ZBTB8OS: variants seen among roughly 807,000 people sequenced by gnomAD.
ZBTB8OS encodes the protein tRNA-splicing ligase-activating factor archease.
A neutral mutation model predicts 29.3 loss-of-function variants in ZBTB8OS; 16 were observed. The ratio of observed to expected loss-of-function variants is 0.55; its 90% CI spans 0.37 to 0.83. The LOEUF is 0.83. ZBTB8OS is among the 40% of genes least tolerant of loss of function. The pLI, the probability that ZBTB8OS is intolerant of heterozygous loss-of-function variation, is 0.00. For synonymous variants in ZBTB8OS, 70 were observed against 64.6 expected (o/e 1.08, Z -0.40); for missense variants, 160 against 196.9 (o/e 0.81, Z 1.12).
intron 1 of ZBTB8OS, among the ~76,000 whole-genome samples, chr1:32,648,392 C>T (rs764711998): frequency 5.3e-5 from 8 of 152,208 alleles, no homozygotes; most frequent in Non-Finnish European, 1.0e-4. Context: ...TACAGATTCA[C>T]TTGCACATGT....
intron 4 of ZBTB8OS, 66 bp downstream of exon 4, chr1:32,633,579 C>G (rs1176770705): frequency 3.4e-6 from 4 of 1,159,838 alleles, no homozygotes; most frequent in Non-Finnish European, 5.0e-6. Context: ...TTTAAATCAT[C>G]TGTTCTATTT....
Position 32,625,933 on chromosome 1 carries a change from C to T in ZBTB8OS, c.417+1575G>A, listed in dbSNP as rs1031624173. The stretch of plus-strand genomic sequence containing the variant: ...TCGCCCAGGCTGGAGTGTGCAATGG[C>T]GTGATCTCCGCTCACTGCAACCTCT... On this transcript the variant is annotated intron_variant, in intron 6 of 6. Coordinates refer to ENST00000468695, the MANE Select transcript of ZBTB8OS (RefSeq NM_178547.5). 6.0e-5 allele frequency among the ~76,000 whole-genome samples: 9 copies of T among 150,948 alleles called. No individual in the cohort carries two copies. The South Asian group carries it at 1.5e-3, about 24-fold the overall frequency.
chr1:32,645,409 G>A (rs1365214548), intron 1 of ZBTB8OS, among the ~76,000 whole-genome samples: 2 of 152,114 alleles, frequency 1.3e-5, no homozygotes, highest in Non-Finnish European at 2.9e-5. Context: ...GGCTGAGGTG[G>A]GAGAACAGCT....
rs540927819 is a variant in ZBTB8OS at position 32,621,809 on chromosome 1, G to T, written c.*53C>A. 2.4e-6 allele frequency: 3 copies of T among 1,244,432 alleles called. No homozygotes were observed. The highest frequency in any genetic ancestry group is 4.7e-5 in the East Asian group (2 of 42,336). The allele number at this position is 1,244,432 out of a possible 1,614,324, so 77.1% of individuals were successfully genotyped here. On this transcript the variant is annotated 3_prime_UTR_variant, in exon 7 of 7. Coordinates refer to ENST00000468695, the MANE Select transcript of ZBTB8OS (RefSeq NM_178547.5). ...TTTAATTCATAGTGTCTTCTCAAAA[G>T]GAAGAGGAAAACAAAAACAGTTCTT...
chr1:32,622,690 C>T (rs1010957194), intron 6 of ZBTB8OS, among the ~76,000 whole-genome samples: 1 of 150,104 alleles, frequency 6.7e-6, no homozygotes, highest in Non-Finnish European at 1.5e-5. Flanking sequence ...GTAACAAACT[C>T]GTATATGTAC....
chr1:32,630,887 C>T (rs534848854), intron 5 of ZBTB8OS, among the ~76,000 whole-genome samples: 2 of 152,032 alleles, frequency 1.3e-5, no homozygotes, highest in South Asian at 2.1e-4. Flanking sequence ...GTAGCAGGCG[C>T]GTATAATCTC....
chr1:32,629,742 CTTGT>C (rs1272523262), intron 5 of ZBTB8OS, among the ~76,000 whole-genome samples: 4 of 143,444 alleles, frequency 2.8e-5, no homozygotes, highest in Admixed American at 7.0e-5. Flanking sequence ...TTTGGACATG[CTTGT>C]TTCTTTTTTT....
At position 32,631,857 on chromosome 1, in the gene ZBTB8OS, T is replaced by C; in HGVS notation, c.350A>G (p.Asp117Gly). ...TGATCGTAATTTGAAATTTCTTTGA[T>C]CAATGCTAAGTACTTTCACTTCCTA... ...IPREVKVLSI[D>G]QRNFKLRSIG... is the part of the protein sequence containing the mutation. The change falls in exon 5 of 7, where the codon GAT (aspartate) becomes GGT (glycine). Residue 117 changes from aspartate to glycine, a missense_variant. Coordinates refer to ENST00000468695, the MANE Select transcript of ZBTB8OS (RefSeq NM_178547.5). The C allele has an allele frequency of 1.3e-6, 2 of 1,596,548 alleles. No individual in the cohort carries two copies. Among genetic ancestry groups the C allele is most frequent in the Admixed American group, 1.7e-5 (1 of 57,790 alleles).
intron 4 of ZBTB8OS, 112 bp from the exon 5 acceptor site, chr1:32,631,991 CCTTT>C: frequency 4.2e-6 from 1 of 240,140 alleles, no homozygotes; most frequent in Non-Finnish European, 7.9e-6. Flanking sequence ...ATTGGTAAAA[CCTTT>C]TTTTTTTTTT....
intron 2 of ZBTB8OS, chr1:32,634,287 T>C: frequency 2.8e-6 from 1 of 360,466 alleles, no homozygotes; most frequent in East Asian, 4.6e-5. Context: ...AGTGCAGTAG[T>C]GCGATCTCGG....
At chr1:32,626,660 T>C (rs1163027135) in intron 6 of ZBTB8OS, among the ~76,000 whole-genome samples, 1 of 152,216 alleles carries the variant, frequency 6.6e-6, no homozygotes, top group Non-Finnish European at 1.5e-5. Flanking sequence ...GTGATTCTCC[T>C]GCCTCAGCCT....
At chr1:32,639,272 TG>T (rs1475966967) in intron 1 of ZBTB8OS, among the ~76,000 whole-genome samples, 1 of 149,380 alleles carries the variant, frequency 6.7e-6, no homozygotes. Context: ...CACTCCAGCC[TG>T]GGCAACAGAG....
At chr1:32,645,833 G>A (rs1187704159) in intron 1 of ZBTB8OS, among the ~76,000 whole-genome samples, 1 of 152,034 alleles carries the variant, frequency 6.6e-6, no homozygotes, top group Admixed American at 6.6e-5. Flanking sequence ...TCAACACAGT[G>A]AAAACAATAA....
At chr1:32,642,919 C>T (rs372600887) in intron 1 of ZBTB8OS, among the ~76,000 whole-genome samples, 4 of 138,464 alleles carry the variant, frequency 2.9e-5, no homozygotes, top group Middle Eastern at 3.8e-3. Context: ...TACAGTCACG[C>T]GCCACCACGC....
At chr1:32,642,505 AAAAAAAAAAG>A (rs1271925516) in intron 1 of ZBTB8OS, among the ~76,000 whole-genome samples, 1 of 149,830 alleles carries the variant, frequency 6.7e-6, no homozygotes, top group African/African-American at 2.4e-5. Flanking sequence ...CTCTGTCTCA[AAAAAAAAAAG>A]AAAAAAAAAG....
At chr1:32,627,640 A>G in intron 5 of ZBTB8OS, 96 bp from the exon 6 acceptor site, 3 of 1,191,834 alleles carry the variant, frequency 2.5e-6, no homozygotes, top group Non-Finnish European at 3.7e-6. Context: ...TAGAAAGCCA[A>G]AAGAGACAGG....
At chr1:32,640,291 G>A (rs1292454490) in intron 1 of ZBTB8OS, among the ~76,000 whole-genome samples, 3 of 151,878 alleles carry the variant, frequency 2.0e-5, no homozygotes, top group South Asian at 4.2e-4. Flanking sequence ...TAGTAGAGAC[G>A]GGGTTTCACC....
chr1:32,650,133 CA>C (rs1243753352), intron 1 of ZBTB8OS, among the ~76,000 whole-genome samples: 2 of 152,264 alleles, frequency 1.3e-5, no homozygotes, highest in Admixed American at 1.3e-4. Context: ...AACAACCCTG[CA>C]AACGCCTGAA....
chr1:32,645,962 C>G (rs1646796371), intron 1 of ZBTB8OS, among the ~76,000 whole-genome samples: 1 of 152,186 alleles, frequency 6.6e-6, no homozygotes, highest in Non-Finnish European at 1.5e-5. Context: ...TACAAGTGTA[C>G]TCAGTTTCTG....
Sources: allele counts gnomAD v4.1 joint callset (sites outside exome capture counted in the v4.1 genomes callset), GRCh38; gene constraint gnomAD v4.1.1; transcripts MANE v1.5; gene names NCBI Gene and HGNC (gene_info 2026-07-23, HGNC 2026-07-21).